PLG: variants seen among roughly 807,000 people sequenced by gnomAD.
PLG encodes the protein plasminogen, also known as plasmin.
In PLG, 41 loss-of-function variants were observed where a neutral mutation model predicts 104.4. The observed-to-expected ratio is 0.39, with a 90% CI of 0.31 to 0.51. The LOEUF (loss-of-function observed/expected upper bound fraction) is 0.51. Ranked by LOEUF, PLG falls within the 20% of genes least tolerant of loss-of-function variation. The probability of loss-of-function intolerance (pLI) is 0.76; values close to 1 mark genes in which losing one functional copy is unlikely to be tolerated. For synonymous variants in PLG, 337 were observed against 357.1 expected (o/e 0.94, Z 0.63); for missense variants, 891 against 1,003.6 (o/e 0.89, Z 1.52).
intron 2 of PLG, among the ~76,000 whole-genome samples, chr6:160,706,757 G>T (rs1234027269): frequency 1.3e-5 from 2 of 152,096 alleles, no homozygotes; most frequent in Non-Finnish European, 2.9e-5. Context: ...GAAGTTATTT[G>T]TTTTTACACC....
chr6:160,742,433 G>T (rs143918217), intron 17 of PLG, among the ~76,000 whole-genome samples: 15 of 151,590 alleles, frequency 9.9e-5, no homozygotes, highest in African/African-American at 2.2e-4. Flanking sequence ...TCATATGTTT[G>T]TTGGCCACAG....
rs4252176 is a variant in PLG, at chr6:160,752,652, T to C, written c.2272-248T>C. 5.9e-5 allele frequency among the ~76,000 whole-genome samples: 9 copies of C among 152,152 alleles called. No homozygotes were observed. Among genetic ancestry groups the C allele is most frequent in the African/African-American group, 2.2e-4 (9 of 41,512 alleles). Reference sequence around the variant, plus strand: ...GCCCAGTCTAAAGGAAACACCAACATAGGAAGGGATGTGTGCAGGATTCAC... The same window carrying C: ...GCCCAGTCTAAAGGAAACACCAACACAGGAAGGGATGTGTGCAGGATTCAC... On this transcript the variant is annotated intron_variant, in intron 18 of 18. Coordinates refer to ENST00000308192, the MANE Select transcript of PLG (RefSeq NM_000301.5). The surrounding 1 kb of genome is among the most constrained non-coding windows in gnomAD (Gnocchi z 4.7).
At position 160,708,981 on chromosome 6, in the gene PLG, A is replaced by AC. The variant is rs537891095; in HGVS notation, c.292+1175_292+1176insC. ...ATTGTACCAGATTTTAAAAAAAAAA[A>AC]ACCCTGATTCTCCTGATTCTCTCTA... On this transcript the variant is annotated intron_variant, in intron 3 of 18. Transcript: ENST00000308192. Among the ~76,000 whole-genome samples the AC allele has an allele frequency of 2.1e-4, 32 of 152,056 alleles. 1 individual carries two copies. Among genetic ancestry groups the AC allele is most frequent in the Admixed American group, 9.2e-4 (14 of 15,266 alleles).
intron 2 of PLG, among the ~76,000 whole-genome samples, chr6:160,707,287 G>C (rs890164372): frequency 6.6e-6 from 1 of 152,188 alleles, no homozygotes; most frequent in African/African-American, 2.4e-5. Flanking sequence ...GGGGTCAGGG[G>C]CCAGGGTGGG....
rs747921442 is a variant in PLG at position 160,752,113 on chromosome 6, A to G, written c.2126-2A>G. The G allele has an allele frequency of 3.7e-6, 6 of 1,613,032 alleles. No individual in the cohort carries two copies. The highest frequency in any genetic ancestry group is 5.1e-6 in the Non-Finnish European group (6 of 1,179,094). Reference sequence around the variant, plus strand: ...CCATTTCTTTCATCTTTTTAAACACAGGTACTTTTGGAGCTGGCCTTCTCA... The same window carrying G: ...CCATTTCTTTCATCTTTTTAAACACGGGTACTTTTGGAGCTGGCCTTCTCA... On this transcript the variant is annotated splice_acceptor_variant, in intron 17 of 18. Coordinates refer to ENST00000308192, the MANE Select transcript of PLG (RefSeq NM_000301.5). LOFTEE classifies it high-confidence loss of function. The surrounding 1 kb of genome is among the most constrained non-coding windows in gnomAD (Gnocchi z 4.7).
intron 10 of PLG, 131 bp from the exon 11 acceptor site, chr6:160,730,920 A>G: frequency 1.2e-6 from 1 of 852,360 alleles, no homozygotes; most frequent in Non-Finnish European, 1.9e-6. Context: ...TTGTTACAAC[A>G]TTATTGTACC....
chr6:160,731,817 A>C lies in PLG; in HGVS notation c.1511A>C (p.Asp504Ala). ...ACTGTTACTGGGACGCCATGCCAGGACTGGGCTGCCCAGGAGCCCCATAGA... is the reference window on the plus strand; with the variant it reads ...ACTGTTACTGGGACGCCATGCCAGGCCTGGGCTGCCCAGGAGCCCCATAGA... ...ATTVTGTPCQDWAAQEPHRHS... is the reference protein window; with the variant it reads ...ATTVTGTPCQAWAAQEPHRHS... Residue 504 changes from aspartate to alanine, a missense_variant, in exon 12 of 19, where the codon GAC becomes GCC. Around this residue, in one of 2 missense-constraint regions of PLG, gnomAD observed 854 missense variants for 932.1 expected, o/e 0.92. Coordinates refer to ENST00000308192, the MANE Select transcript of PLG (RefSeq NM_000301.5). The surrounding 1 kb of genome is among the most constrained non-coding windows in gnomAD (Gnocchi z 5.1). The C allele has an allele frequency of 6.2e-7, 1 of 1,613,998 alleles. No individual in the cohort carries two copies. The highest frequency in any genetic ancestry group is 1.1e-5 in the South Asian group (1 of 91,072).
intron 7 of PLG, among the ~76,000 whole-genome samples, chr6:160,717,304 G>C (rs1271727003): frequency 6.6e-6 from 1 of 152,164 alleles, no homozygotes; most frequent in East Asian, 1.9e-4. Context: ...TTTCCTCTCT[G>C]AGAATTTGAA....
At chr6:160,706,984 C>G (rs578032609) in intron 2 of PLG, among the ~76,000 whole-genome samples, 1 of 150,188 alleles carries the variant, frequency 6.7e-6, no homozygotes, top group South Asian at 2.1e-4. Flanking sequence ...AAGTGAGGTA[C>G]AGGCATAATC....
chr6:160,718,180 A>G (rs1354209570), intron 7 of PLG, 114 bp from the exon 8 acceptor site: 2 of 858,636 alleles, frequency 2.3e-6, no homozygotes, highest in African/African-American at 3.3e-5. Context: ...TGAACCCAGG[A>G]GGCAGAGGTT....
rs1236073436 is a variant in PLG, at chr6:160,737,701, G to A, written c.1802+694G>A. ...TTCCTCATCTCACTTCTACACGAGG[G>A]TGCCTGTGCTCAATTGCTGTTTTCC... On this transcript the variant is annotated intron_variant, in intron 14 of 18. Transcript: ENST00000308192. This position sits in a 1 kb window ranked among gnomAD's most constrained non-coding sequence, Gnocchi z 4.7. 2.0e-5 allele frequency among the ~76,000 whole-genome samples: 3 copies of A among 152,158 alleles called. No individual in the cohort carries two copies. The highest frequency in any genetic ancestry group is 7.2e-5 in the African/African-American group (3 of 41,434).
chr6:160,714,686 G>A (rs1468369306), intron 5 of PLG, 108 bp from the exon 6 acceptor site: 2 of 1,030,214 alleles, frequency 1.9e-6, no homozygotes, highest in South Asian at 1.4e-5. Flanking sequence ...ATCGGAATGA[G>A]AGGCAAGTCG....
intron 4 of PLG, 87 bp from the exon 5 acceptor site, chr6:160,712,899 G>A: frequency 2.1e-6 from 2 of 967,586 alleles, no homozygotes; most frequent in Non-Finnish European, 1.7e-6. Flanking sequence ...AATCTCAGAT[G>A]GGAATCGAGA....
rs1430320217 is a variant in PLG at position 160,723,485 on chromosome 6, C to T, written c.1256+918C>T. Reference sequence around the variant, plus strand: ...GCTTTGTTCCTGGAGACTTCCTGGGCTGAAGAACAAGGAGATGGAGCCCAA... The same window carrying T: ...GCTTTGTTCCTGGAGACTTCCTGGGTTGAAGAACAAGGAGATGGAGCCCAA... On this transcript the variant is annotated intron_variant, in intron 10 of 18. Coordinates refer to ENST00000308192, the MANE Select transcript of PLG (RefSeq NM_000301.5). This position sits in a 1 kb window ranked among gnomAD's most constrained non-coding sequence, Gnocchi z 4.7. Among the ~76,000 whole-genome samples the T allele has an allele frequency of 6.6e-6, 1 of 152,110 alleles. No homozygotes were observed. The highest frequency in any genetic ancestry group is 2.4e-5 in the African/African-American group (1 of 41,426).
Position 160,726,023 on chromosome 6 carries a change from G to A in PLG, c.1256+3456G>A, listed in dbSNP as rs541661014. 6.8e-4 allele frequency among the ~76,000 whole-genome samples: 103 copies of A among 152,088 alleles called. No individual in the cohort carries two copies. The South Asian group carries it at 0.019, about 29-fold the overall frequency. Reference sequence around the variant, plus strand: ...GGGAGATATCCTAATGTCTCTCTCCGTATGGTTATACATCTTCCCAAACAA... The same window carrying A: ...GGGAGATATCCTAATGTCTCTCTCCATATGGTTATACATCTTCCCAAACAA... On this transcript the variant is annotated intron_variant, in intron 10 of 18. Coordinates refer to ENST00000308192, the MANE Select transcript of PLG (RefSeq NM_000301.5). The surrounding 1 kb of genome is among the most constrained non-coding windows in gnomAD (Gnocchi z 4.4).
At chr6:160,720,410 CTTTT>C (rs3057066) in intron 9 of PLG, among the ~76,000 whole-genome samples, 16 of 58,524 alleles carry the variant, frequency 2.7e-4, no homozygotes, top group South Asian at 1.7e-3. Flanking sequence ...CTTTTCTTTT[CTTTT>C]TTTTTTTTTT....
At chr6:160,722,385 G>T (rs767145040) in intron 9 of PLG, 23 bp from the exon 10 acceptor site, 4 of 1,591,604 alleles carry the variant, frequency 2.5e-6, no homozygotes, top group African/African-American at 2.7e-5. Flanking sequence ...TGTTAAGCTT[G>T]ATTTCTTTTA....
rs1486782975 is a variant in PLG at position 160,741,130 on chromosome 6, T to C, written c.2019-181T>C. Among the ~76,000 whole-genome samples, 4 of 152,198 alleles carry C rather than the reference T, an allele frequency of 2.6e-5. No individual in the cohort carries two copies. The highest frequency in any genetic ancestry group is 2.1e-4 in the South Asian group (1 of 4,838). On this transcript the variant is annotated intron_variant, in intron 16 of 18. Transcript: ENST00000308192. This position sits in a 1 kb window ranked among gnomAD's most constrained non-coding sequence, Gnocchi z 4.7. ...CAAATGAAACCTTACATCTGCATAGTCCATAGACAACCACAGGCAAATGTG... is the reference window on the plus strand; with the variant it reads ...CAAATGAAACCTTACATCTGCATAGCCCATAGACAACCACAGGCAAATGTG...
chr6:160,718,538 C>T lies in PLG; in HGVS notation c.950+82C>T, dbSNP rs113081313. ...GCCTTAGTTTTAGTTACTGTAGGAA[C>T]GCAGGATAAAGTATTCTGGAAGAAA... is the stretch of plus-strand genomic sequence containing the variant. On this transcript the variant is annotated intron_variant, in intron 8 of 18. Coordinates refer to ENST00000308192, the MANE Select transcript of PLG (RefSeq NM_000301.5). 6.1e-5 allele frequency: 84 copies of T among 1,374,018 alleles called. 1 individual carries two copies. The African/African-American group carries it at 7.8e-4, about 13-fold the overall frequency. 85.1% of individuals were successfully genotyped at this position (1,374,018 alleles called of 1,614,324 possible). A position where few individuals can be genotyped will look rare whatever the true frequency, so the allele number is the denominator to read the frequency against.
Sources: allele counts gnomAD v4.1 joint callset (sites outside exome capture counted in the v4.1 genomes callset), GRCh38; gene constraint gnomAD v4.1.1; regional missense constraint gnomAD v4.1.1; non-coding constraint Gnocchi (gnomAD v3.1); transcripts MANE v1.5; gene names NCBI Gene and HGNC (gene_info 2026-07-23, HGNC 2026-07-21).